Variants in FHIT observed in about 807,000 individuals in gnomAD.
FHIT encodes the protein bis(5'-adenosyl)-triphosphatase.
A neutral mutation model predicts 17.9 loss-of-function variants in FHIT; 19 were observed. The ratio of observed to expected loss-of-function variants is 1.06; its 90% confidence interval spans 0.74 to 1.56. The LOEUF (loss-of-function observed/expected upper bound fraction) is 1.56. Ranked by LOEUF, FHIT falls within the 40% of genes most tolerant of loss-of-function variation. The pLI is 0.00. For synonymous variants in FHIT, 81 were observed against 69.7 expected (o/e 1.16, Z -0.81); for missense variants, 248 against 189.2 (o/e 1.31, Z -1.82).
intron 3 of FHIT, among the ~76,000 whole-genome samples, chr3:60,829,807 A>C (rs1180635940): frequency 1.3e-5 from 2 of 152,228 alleles, no homozygotes; most frequent in Non-Finnish European, 1.5e-5. Context: ...CTTCTTTAGC[A>C]TAAGGATTAT....
At chr3:60,114,184 C>A (rs908912255) in intron 5 of FHIT, among the ~76,000 whole-genome samples, 1 of 149,448 alleles carries the variant, frequency 6.7e-6, no homozygotes, top group African/African-American at 2.5e-5. Context: ...CATAATCAGA[C>A]AAGGTAAACA....
chr3:61,102,704 G>T (rs1012669420), intron 2 of FHIT, among the ~76,000 whole-genome samples: 1 of 152,066 alleles, frequency 6.6e-6, no homozygotes, highest in Non-Finnish European at 1.5e-5. Flanking sequence ...TGGTTGGTAG[G>T]CTATTCATTA....
Position 60,432,369 on chromosome 3 carries a change from A to T in FHIT, c.103+104491T>A, listed in dbSNP as rs1006045684. 5.3e-5 allele frequency among the ~76,000 whole-genome samples: 8 copies of T among 152,206 alleles called. 2 individuals are homozygous for T. Among genetic ancestry groups the T allele is most frequent in the Admixed American group, 6.5e-5 (1 of 15,286 alleles). ...CATCCAATAAATGAGTGTTGGACCT[A>T]ATCTAGATAGCTACTACAATTATTA... On this transcript the variant is annotated intron_variant, in intron 5 of 9. Transcript: ENST00000492590.
rs111610263 is a variant in FHIT at position 60,969,688 on chromosome 3, G to T, written c.-111+72359C>A. Among the ~76,000 whole-genome samples the T allele has an allele frequency of 1.9e-3, 296 of 152,200 alleles. 2 individuals carry two copies. Among genetic ancestry groups the T allele is most frequent in the African/African-American group, 5.5e-3 (230 of 41,542 alleles). On this transcript the variant is annotated intron_variant, in intron 3 of 9. Transcript: ENST00000492590. ...CACCTTAATACTACTGTGAACAGAA[G>T]ATAAACTCTATGGTTTAAAGCCTTT...
chr3:60,192,135 C>T (rs1329597980), intron 5 of FHIT, among the ~76,000 whole-genome samples: 7 of 151,482 alleles, frequency 4.6e-5, no homozygotes, highest in African/African-American at 1.5e-4. Context: ...CCTGTAATCC[C>T]AGCTACTCAG....
rs190837479 is a variant in FHIT at position 59,791,783 on chromosome 3, G to A, written c.349-39462C>T. 2.2e-3 allele frequency among the ~76,000 whole-genome samples: 333 copies of A among 152,220 alleles called. 1 individual carries two copies. Among genetic ancestry groups the A allele is most frequent in the Admixed American group, 6.1e-3 (93 of 15,288 alleles). ...GGCCAGGTATTTTGGGGATGACCCT[G>A]TCAATAAGGGCTATGTATCTTTTGG... is the stretch of plus-strand genomic sequence containing the variant. On this transcript the variant is annotated intron_variant, in intron 8 of 9. Transcript: ENST00000492590.
At chr3:60,794,947 A>C (rs1700924230) in intron 4 of FHIT, among the ~76,000 whole-genome samples, 1 of 152,258 alleles carries the variant, frequency 6.6e-6, no homozygotes, top group Admixed American at 6.5e-5. Context: ...GTAAAAAAGT[A>C]TCTCTACCTG....
intron 8 of FHIT, among the ~76,000 whole-genome samples, chr3:59,840,927 C>T (rs1371332665): frequency 6.6e-6 from 1 of 152,138 alleles, no homozygotes; most frequent in Admixed American, 6.5e-5. Context: ...TTAGCAAATA[C>T]ACTAGGAGCT....
chr3:60,435,862 A>G (rs774044468), intron 5 of FHIT, among the ~76,000 whole-genome samples: 1 of 151,930 alleles, frequency 6.6e-6, no homozygotes, highest in Non-Finnish European at 1.5e-5. Context: ...CTATGTGTCC[A>G]TGTGTTCTCA....
chr3:60,197,933 C>T (rs144982716), intron 5 of FHIT, among the ~76,000 whole-genome samples: 1 of 152,162 alleles, frequency 6.6e-6, no homozygotes, highest in African/African-American at 2.4e-5. Context: ...AAGATTCTTA[C>T]TGCAGGCCCT....
At chr3:61,039,337 G>C (rs2033395546) in intron 3 of FHIT, among the ~76,000 whole-genome samples, 1 of 152,150 alleles carries the variant, frequency 6.6e-6, no homozygotes, top group African/African-American at 2.4e-5. Flanking sequence ...GGTTACTTTA[G>C]ACATCGTGAA....
At chr3:59,782,568 G>A (rs968427018) in intron 8 of FHIT, among the ~76,000 whole-genome samples, 11 of 152,150 alleles carry the variant, frequency 7.2e-5, no homozygotes, top group South Asian at 2.1e-4. Context: ...CTGGAAGCAC[G>A]TTCATTTAAG....
chr3:60,985,099 A>G (rs1710663738), intron 3 of FHIT, among the ~76,000 whole-genome samples: 1 of 152,140 alleles, frequency 6.6e-6, no homozygotes, highest in Non-Finnish European at 1.5e-5. Flanking sequence ...CCATCACTAC[A>G]GAACGTAATC....
At chr3:61,083,334 T>A (rs1228211921) in intron 2 of FHIT, among the ~76,000 whole-genome samples, 1 of 152,168 alleles carries the variant, frequency 6.6e-6, no homozygotes, top group African/African-American at 2.4e-5. Flanking sequence ...CTCACGCCTA[T>A]AATCCCAGCA....
intron 3 of FHIT, among the ~76,000 whole-genome samples, chr3:60,845,816 A>G (rs1702907867): frequency 3.9e-5 from 6 of 152,198 alleles, no homozygotes. Context: ...GGACAACCTC[A>G]AAGACTGCTT....
chr3:59,807,230 T>G (rs994131761), intron 8 of FHIT, among the ~76,000 whole-genome samples: 9 of 152,248 alleles, frequency 5.9e-5, no homozygotes, highest in Non-Finnish European at 1.3e-4. Flanking sequence ...AGGATCCTAG[T>G]GCAATCTTCC....
intron 8 of FHIT, among the ~76,000 whole-genome samples, chr3:59,857,703 G>C (rs201350280): frequency 1.5e-5 from 1 of 67,322 alleles, no homozygotes; most frequent in African/African-American, 1.0e-4. Context: ...GCAAAGTGCT[G>C]GGTTTTTTTT....
At chr3:59,921,659 C>G (rs1559732617) in intron 8 of FHIT, among the ~76,000 whole-genome samples, 1 of 67,860 alleles carries the variant, frequency 1.5e-5, no homozygotes, top group Non-Finnish European at 3.1e-5. Context: ...ATTGAAATCA[C>G]CTTATAACAG....
intron 8 of FHIT, among the ~76,000 whole-genome samples, chr3:59,784,987 C>T (rs1222975940): frequency 6.6e-6 from 1 of 151,938 alleles, no homozygotes; most frequent in African/African-American, 2.4e-5. Context: ...CCTCAGGAAG[C>T]TTCCAATCAT....
Sources: allele counts gnomAD v4.1 joint callset (sites outside exome capture counted in the v4.1 genomes callset), GRCh38; gene constraint gnomAD v4.1.1; transcripts MANE v1.5; gene names NCBI Gene and HGNC (gene_info 2026-07-23, HGNC 2026-07-21).